The following SOCS6 variants were observed in gnomAD, a reference collection of about 807,000 sequenced individuals.
SOCS6 encodes STAT induced STAT inhibitor-4.
In SOCS6, 5 loss-of-function variants were observed where a neutral mutation model predicts 27.7. The observed-to-expected ratio is 0.18, with a 90% CI of 0.09 to 0.38. The LOEUF is 0.38. Ranked by LOEUF, SOCS6 falls within the 10% of genes least tolerant of loss-of-function variation. The pLI is 1.00. For missense variants in SOCS6, 595 were observed against 688.1 expected, an observed-to-expected ratio of 0.86 and a Z score of 1.51; for synonymous variants, 271 against 260.0, an observed-to-expected ratio of 1.04 and a Z score of -0.41.
At chr18:70,315,146 G>A (rs2062406635) in intron 1 of SOCS6, among the ~76,000 whole-genome samples, 1 of 152,100 alleles carries the variant, frequency 6.6e-6, no homozygotes, top group Non-Finnish European at 1.5e-5. Flanking sequence ...AGTGAGATCA[G>A]TTTGATTTTT....
intron 1 of SOCS6, among the ~76,000 whole-genome samples, chr18:70,294,619 G>C (rs2062315449): frequency 6.6e-6 from 1 of 152,216 alleles, no homozygotes; most frequent in South Asian, 2.1e-4. Flanking sequence ...AAAAGTGTTT[G>C]AGACCAAAAG....
chr18:70,316,329 A>G (rs1394675140), intron 1 of SOCS6, among the ~76,000 whole-genome samples: 1 of 152,110 alleles, frequency 6.6e-6, no homozygotes, highest in Non-Finnish European at 1.5e-5. Flanking sequence ...AAATTTATGA[A>G]GGTTTTCATT....
Position 70,325,430 on chromosome 18 carries a change from T to C in SOCS6, c.762T>C (p.Pro254=). The stretch of plus-strand genomic sequence containing the variant: ...CTCCCATGGAAGTCTCTGCGGTTCC[T>C]CCTCAAGTGGGAGGGCGCGCTTTCC... ...SSSPMEVSAV[P]PQVGGRAFPE... Residue 254 remains proline (P), a synonymous_variant, in exon 2 of 2, where the codon CCT becomes CCC. Transcript: ENST00000397942. This position sits in a 1 kb window ranked among gnomAD's most constrained non-coding sequence, Gnocchi z 6.3. The C allele has an allele frequency of 6.2e-7, 1 of 1,614,168 alleles. No individual in the cohort carries two copies.
chr18:70,299,582 C>G (rs1019448183), intron 1 of SOCS6, among the ~76,000 whole-genome samples: 15 of 152,158 alleles, frequency 9.9e-5, no homozygotes, highest in Admixed American at 2.0e-4. Context: ...GCTGAAAGTT[C>G]CACACTCTAG....
chr18:70,311,905 T>G (rs2062392218), intron 1 of SOCS6, among the ~76,000 whole-genome samples: 1 of 152,162 alleles, frequency 6.6e-6, no homozygotes, highest in South Asian at 2.1e-4. Context: ...ATGCAGTAAA[T>G]GTTTCGTGTA....
At chr18:70,311,618 C>G (rs573479696) in intron 1 of SOCS6, among the ~76,000 whole-genome samples, 5 of 152,194 alleles carry the variant, frequency 3.3e-5, no homozygotes, top group African/African-American at 1.2e-4. Flanking sequence ...ACTTCCTGAT[C>G]CTTTTTACTG....
intron 1 of SOCS6, among the ~76,000 whole-genome samples, chr18:70,297,003 C>CTGTTGTTGT (rs755251752): frequency 9.8e-5 from 12 of 122,060 alleles, no homozygotes; most frequent in African/African-American, 2.8e-4. Flanking sequence ...TTTTTCTTGT[C>CTGTTGTTGT]TGTTGTTGTT....
chr18:70,323,938 C>G (rs1304234405), intron 1 of SOCS6, among the ~76,000 whole-genome samples: 1 of 152,046 alleles, frequency 6.6e-6, no homozygotes, highest in African/African-American at 2.4e-5. Flanking sequence ...TGGACACTGG[C>G]CCACACGTTA....
chr18:70,290,106 A>T (rs563294466), intron 1 of SOCS6, among the ~76,000 whole-genome samples: 1 of 152,244 alleles, frequency 6.6e-6, no homozygotes, highest in Non-Finnish European at 1.5e-5. Context: ...TGTTTCTGCA[A>T]CGTCTGCCCG....
At position 70,323,910 on chromosome 18, in the gene SOCS6, G is replaced by A. The variant is rs2231553; in HGVS notation, c.-126-633G>A. On this transcript the variant is annotated intron_variant, in intron 1 of 1. Coordinates refer to ENST00000397942, the MANE Select transcript of SOCS6 (RefSeq NM_004232.4). ...GAAGGAGTGCACAGGTCTAGCTAGAGTCCAGCTGGGAAGGATGTGGACACT... is the reference window on the plus strand; with the variant it reads ...GAAGGAGTGCACAGGTCTAGCTAGAATCCAGCTGGGAAGGATGTGGACACT... Among the ~76,000 whole-genome samples, 1,082 of 152,206 alleles carry A rather than the reference G, an allele frequency of 7.1e-3. 9 individuals are homozygous for A. The highest frequency in any genetic ancestry group is 0.025 in the African/African-American group (1,034 of 41,534).
chr18:70,314,710 C>T (rs1327243682), intron 1 of SOCS6, among the ~76,000 whole-genome samples: 1 of 152,124 alleles, frequency 6.6e-6, no homozygotes, highest in South Asian at 2.1e-4. Context: ...TTAATCATTT[C>T]ATAAGGATAA....
In SOCS6 at chr18:70,325,198, A is replaced by G. The variant is rs777430968; in HGVS notation, c.530A>G (p.Asp177Gly). 3.1e-6 allele frequency: 5 copies of G among 1,613,944 alleles called. No individual in the cohort carries two copies. Among genetic ancestry groups the G allele is most frequent in the Non-Finnish European group, 4.2e-6 (5 of 1,179,954 alleles). The change falls in exon 2 of 2, where the codon GAC becomes GGC. Residue 177 changes from aspartate (D) to glycine (G), a missense_variant. Transcript: ENST00000397942. This position sits in a 1 kb window ranked among gnomAD's most constrained non-coding sequence, Gnocchi z 6.3. ...AATGGCGTCCGGAAGGATTTCCACG[A>G]CCTCCAGTCTGAGACCACGTGCCAG... Reference protein sequence around the residue: ...ALNGVRKDFHDLQSETTCQEQ... With the variant: ...ALNGVRKDFHGLQSETTCQEQ...
At chr18:70,313,900 A>G (rs2062400445) in intron 1 of SOCS6, among the ~76,000 whole-genome samples, 1 of 152,166 alleles carries the variant, frequency 6.6e-6, no homozygotes. Flanking sequence ...TCTCGAGTCA[A>G]TATTTTGACA....
chr18:70,312,500 C>G (rs2062394558), intron 1 of SOCS6, among the ~76,000 whole-genome samples: 1 of 152,124 alleles, frequency 6.6e-6, no homozygotes, highest in South Asian at 2.1e-4. Flanking sequence ...TACCAATTTA[C>G]TTCAATCATG....
At chr18:70,291,897 A>G (rs1164760005) in intron 1 of SOCS6, among the ~76,000 whole-genome samples, 1 of 152,214 alleles carries the variant, frequency 6.6e-6, no homozygotes, top group Non-Finnish European at 1.5e-5. Context: ...ATAATTGTTC[A>G]GCTGTTAAAA....
At chr18:70,316,425 A>G (rs2062411782) in intron 1 of SOCS6, among the ~76,000 whole-genome samples, 2 of 152,180 alleles carry the variant, frequency 1.3e-5, no homozygotes. Flanking sequence ...TGTCTAAAAG[A>G]TAAATTAATT....
Position 70,326,063 on chromosome 18 carries a change from T to A in SOCS6, c.1395T>A (p.Ser465=), listed in dbSNP as rs1911197504. 1.2e-6 allele frequency: 2 copies of A among 1,614,114 alleles called. No individual in the cohort carries two copies. The highest frequency in any genetic ancestry group is 1.7e-6 in the Non-Finnish European group (2 of 1,180,034). Residue 465 remains serine (S), a synonymous_variant, in exon 2 of 2, where the codon TCT becomes TCA. Transcript: ENST00000397942. ...VDLIEHSIRD[S]ENGAFCYSRS... is the part of the protein sequence containing the mutation. ...TAATTGAGCATTCAATCAGGGACTC[T>A]GAAAATGGAGCTTTTTGTTATTCAA...
At chr18:70,305,586 A>G (rs1348862665) in intron 1 of SOCS6, among the ~76,000 whole-genome samples, 1 of 152,230 alleles carries the variant, frequency 6.6e-6, no homozygotes, top group Admixed American at 6.5e-5. Flanking sequence ...GTATCAATTA[A>G]TATAAAAAAG....
rs565492632 is a variant in SOCS6, at chr18:70,289,187, G to C, written c.-127+97G>C. Reference sequence around the variant, plus strand: ...CCGGGACACGGCTGGTTTTCGCCTCGGAGTGCAGGGGGCGGATCCGGCGCG... The same window carrying C: ...CCGGGACACGGCTGGTTTTCGCCTCCGAGTGCAGGGGGCGGATCCGGCGCG... On this transcript the variant is annotated intron_variant, in intron 1 of 1. Coordinates refer to ENST00000397942, the MANE Select transcript of SOCS6 (RefSeq NM_004232.4). 6.3e-3 allele frequency: 956 copies of C among 150,874 alleles called. 15 individuals are homozygous for C. Among genetic ancestry groups the C allele is most frequent in the Admixed American group, 0.031 (464 of 15,130 alleles). 9.3% of individuals were successfully genotyped at this position (150,874 alleles called of 1,614,324 possible).
Sources: allele counts gnomAD v4.1 joint callset (sites outside exome capture counted in the v4.1 genomes callset), GRCh38; gene constraint gnomAD v4.1.1; non-coding constraint Gnocchi (gnomAD v3.1); transcripts MANE v1.5; gene names NCBI Gene and HGNC (gene_info 2026-07-23, HGNC 2026-07-21).